FRMD3: variants seen among roughly 807,000 people sequenced by gnomAD.
FRMD3 encodes FERM domain containing 3.
In FRMD3, 33 loss-of-function variants were observed where a neutral mutation model predicts 70.2. The observed-to-expected ratio is 0.47, with a 90% CI of 0.36 to 0.63. The LOEUF is 0.63. FRMD3 is among the 20% of genes least tolerant of loss of function. FRMD3 has a pLI of 0.00. For synonymous variants in FRMD3, 279 were observed against 255.9 expected, an observed-to-expected ratio of 1.09 and a Z score of -0.86; for missense variants, 632 against 711.4, an observed-to-expected ratio of 0.89 and a Z score of 1.27.
chr9:83,350,355 G>C (rs1277214308), intron 3 of FRMD3, among the ~76,000 whole-genome samples: 3 of 152,014 alleles, frequency 2.0e-5, no homozygotes, highest in African/African-American at 4.8e-5. Flanking sequence ...TGGTCGTGGT[G>C]TCTCACGCCT....
chr9:83,291,788 A>G (rs1834429814), intron 12 of FRMD3, among the ~76,000 whole-genome samples: 1 of 152,156 alleles, frequency 6.6e-6, no homozygotes, highest in Non-Finnish European at 1.5e-5. Context: ...AAGTGCACCA[A>G]ATGCAATCCT....
intron 13 of FRMD3, among the ~76,000 whole-genome samples, chr9:83,275,422 C>T (rs143533211): frequency 1.3e-5 from 2 of 152,264 alleles, no homozygotes; most frequent in African/African-American, 4.8e-5. Context: ...AACTAGCCCA[C>T]CCAAAAATAA....
At chr9:83,428,864 C>G (rs182889485) in intron 1 of FRMD3, among the ~76,000 whole-genome samples, 21 of 152,192 alleles carry the variant, frequency 1.4e-4, no homozygotes, top group African/African-American at 4.8e-4. Flanking sequence ...ATGTTTTACT[C>G]ATTATCTTGA....
At position 83,401,762 on chromosome 9, in the gene FRMD3, TG is replaced by T. The variant is rs539598535; in HGVS notation, c.148-12055del. On this transcript the variant is annotated intron_variant, in intron 1 of 13. Transcript: ENST00000304195. ...CTAAACATTCTGCCTGGAAGTGACA[TG>T]CATCACTTCGGTTTATTGGCCAAAA... 7.9e-5 allele frequency among the ~76,000 whole-genome samples: 12 copies of T among 152,316 alleles called. No homozygotes were observed. In the South Asian group the frequency reaches 2.5e-3, roughly 32 times the overall value.
At chr9:83,406,084 G>C (rs1361957004) in intron 1 of FRMD3, among the ~76,000 whole-genome samples, 3 of 152,110 alleles carry the variant, frequency 2.0e-5, no homozygotes, top group Admixed American at 6.5e-5. Context: ...ATGCAAGGCA[G>C]CTGGGGTTGG....
intron 6 of FRMD3, among the ~76,000 whole-genome samples, chr9:83,317,709 T>C (rs987831397): frequency 6.6e-6 from 1 of 152,162 alleles, no homozygotes; most frequent in African/African-American, 2.4e-5. Flanking sequence ...TCCTTGTCCT[T>C]CCTAAATCTG....
chr9:83,336,491 T>C (rs960497009), intron 5 of FRMD3, among the ~76,000 whole-genome samples: 4 of 151,348 alleles, frequency 2.6e-5, no homozygotes, highest in Non-Finnish European at 2.9e-5. Flanking sequence ...TGGAGCTGCC[T>C]GCTCTGAGGC....
intron 3 of FRMD3, among the ~76,000 whole-genome samples, chr9:83,355,461 C>A (rs991033035): frequency 6.6e-6 from 1 of 152,154 alleles, no homozygotes; most frequent in African/African-American, 2.4e-5. Context: ...GACAGGGGTA[C>A]ACAGGGTGGT....
At chr9:83,255,559 C>T (rs1424278313) in intron 13 of FRMD3, among the ~76,000 whole-genome samples, 1 of 152,018 alleles carries the variant, frequency 6.6e-6, no homozygotes, top group African/African-American at 2.4e-5. Context: ...AGAAATAAAG[C>T]GTATTCAAGT....
chr9:83,538,124 G>A lies in FRMD3; in HGVS notation c.108C>T (p.Ile36=). Residue 36 remains isoleucine, a synonymous_variant, in exon 1 of 14, where the codon ATC becomes ATT. Transcript: ENST00000304195. This position sits in a 1 kb window ranked among gnomAD's most constrained non-coding sequence, Gnocchi z 4.7. ...AGATCTCCGAGTCGTCCAGCAGCCG[G>A]ATGGTGCATCTCATCTCCTGGCTGA... The part of the protein sequence containing the change: ...KSLSQEMRCT[I]RLLDDSEISC... 1 of 1,613,640 alleles carries A rather than the reference G, an allele frequency of 6.2e-7. No individual in the cohort carries two copies. Among genetic ancestry groups the A allele is most frequent in the Non-Finnish European group, 8.5e-7 (1 of 1,179,776 alleles).
intron 1 of FRMD3, among the ~76,000 whole-genome samples, chr9:83,453,657 T>A (rs938158068): frequency 3.3e-5 from 5 of 151,992 alleles, no homozygotes; most frequent in African/African-American, 9.7e-5. Context: ...AAAATGAAAA[T>A]TTTTTAGATT....
At chr9:83,264,255 A>G (rs1164222177) in intron 13 of FRMD3, among the ~76,000 whole-genome samples, 1 of 152,248 alleles carries the variant, frequency 6.6e-6, no homozygotes, top group East Asian at 1.9e-4. Flanking sequence ...ACATTCTGAA[A>G]AAGGCAAAAT....
the FRMD3 span, among the ~76,000 whole-genome samples, chr9:83,554,439 C>T: frequency 1.1e-4 from 17 of 152,316 alleles, 1 homozygote; most frequent in Admixed American, 2.0e-4. Context: ...ATTTGCTTGA[C>T]TCCTGGGGAT....
At chr9:83,459,902 T>A (rs1827922609) in intron 1 of FRMD3, among the ~76,000 whole-genome samples, 3 of 152,354 alleles carry the variant, frequency 2.0e-5, no homozygotes, top group Middle Eastern at 6.8e-3. Context: ...GACAGCTGCC[T>A]TCTCACTCTG....
intron 2 of FRMD3, among the ~76,000 whole-genome samples, chr9:83,388,848 C>T (rs910988584): frequency 3.9e-5 from 6 of 151,956 alleles, no homozygotes; most frequent in African/African-American, 1.5e-4. Context: ...GTGGCAACCA[C>T]CATCAATATG....
intron 1 of FRMD3, among the ~76,000 whole-genome samples, chr9:83,443,604 T>C (rs1438427610): frequency 1.3e-5 from 2 of 152,224 alleles, no homozygotes; most frequent in African/African-American, 2.4e-5. Context: ...TAAACATACA[T>C]GTGCATGTGT....
intron 13 of FRMD3, among the ~76,000 whole-genome samples, chr9:83,257,780 C>T (rs1330417629): frequency 6.6e-6 from 1 of 151,934 alleles, no homozygotes. Flanking sequence ...TCAGAAAGCT[C>T]AGTTAATAAG....
the FRMD3 span, among the ~76,000 whole-genome samples, chr9:83,574,783 G>T: frequency 1.5e-4 from 23 of 151,996 alleles, no homozygotes; most frequent in Non-Finnish European, 2.1e-4. Flanking sequence ...TAGAAAAAGG[G>T]GTATCAGGAA....
chr9:83,486,022 A>G (rs3860933), intron 1 of FRMD3, among the ~76,000 whole-genome samples: 62,418 of 151,712 alleles, frequency 0.41, 13,623 homozygotes, highest in Middle Eastern at 0.49. Context: ...CTATGTATAT[A>G]TAATACATCT....
Sources: gnomAD v4.1 joint callset for allele counts (sites outside exome capture counted in the v4.1 genomes callset) on GRCh38, gnomAD v4.1.1 for gene constraint, Gnocchi (gnomAD v3.1) non-coding constraint, MANE v1.5 for transcripts, NCBI Gene and HGNC (gene_info 2026-07-23, HGNC 2026-07-21) for gene names.